Variants in VWA8 observed in about 807,000 individuals in gnomAD.
The protein encoded by VWA8 is von Willebrand factor A domain containing 8.
A neutral mutation model predicts 241.5 loss-of-function variants in VWA8; 221 were observed. That is an observed-to-expected ratio of 0.91 (90% CI 0.82 to 1.02). VWA8 has a LOEUF of 1.02. VWA8 is among the 50% of genes least tolerant of loss of function. The pLI is 0.00. For synonymous variants in VWA8, 852 were observed against 827.1 expected (o/e 1.03, Z -0.52); for missense variants, 2,322 against 2,328.7 (o/e 1.00, Z 0.06).
intron 9 of VWA8, among the ~76,000 whole-genome samples, chr13:41,880,261 C>A (rs1384408120): frequency 1.3e-5 from 2 of 152,148 alleles, no homozygotes; most frequent in Non-Finnish European, 2.9e-5. Context: ...CAATGGTTAA[C>A]ATTTTTTTAG....
chr13:41,573,691 C>T (rs977388448), intron 43 of VWA8, among the ~76,000 whole-genome samples: 10 of 150,656 alleles, frequency 6.6e-5, no homozygotes, highest in Non-Finnish European at 7.4e-5. Flanking sequence ...GATCTTGGTT[C>T]GCTGCAGCCT....
intron 13 of VWA8, among the ~76,000 whole-genome samples, chr13:41,831,518 T>A (rs1258508627): frequency 6.6e-6 from 1 of 152,130 alleles, no homozygotes; most frequent in Non-Finnish European, 1.5e-5. Context: ...GACTGTACGT[T>A]AGAATCTTCT....
At chr13:41,576,669 T>C (rs2044352406) in intron 42 of VWA8, among the ~76,000 whole-genome samples, 1 of 152,218 alleles carries the variant, frequency 6.6e-6, no homozygotes, top group Non-Finnish European at 1.5e-5. Flanking sequence ...TGGAGGCCCA[T>C]ATATTATGTC....
intron 12 of VWA8, among the ~76,000 whole-genome samples, chr13:41,860,561 T>G (rs1199811622): frequency 6.6e-6 from 1 of 152,216 alleles, no homozygotes; most frequent in East Asian, 1.9e-4. Flanking sequence ...CTTCCCACCC[T>G]TATTCATCCA....
chr13:41,726,536 G>T (rs776854334), intron 24 of VWA8, among the ~76,000 whole-genome samples: 28 of 152,274 alleles, frequency 1.8e-4, no homozygotes, highest in Non-Finnish European at 3.5e-4. Context: ...TTCATGGTTA[G>T]GGGGATGTGA....
intron 40 of VWA8, among the ~76,000 whole-genome samples, chr13:41,593,239 A>G (rs762965012): frequency 3.9e-5 from 6 of 152,206 alleles, no homozygotes; most frequent in Non-Finnish European, 7.3e-5. Context: ...ATTTTGGAAT[A>G]CCAATAGATT....
At chr13:41,590,513 T>TTAA in intron 41 of VWA8, 127 bp downstream of exon 41, 5 of 958,480 alleles carry the variant, frequency 5.2e-6, no homozygotes, top group Non-Finnish European at 7.2e-6. Context: ...TTTTTTTTTT[T>TTAA]AACATAATGC....
rs1566372324 is a variant in VWA8 at position 41,573,485 on chromosome 13, A to AT, written c.5370+2254_5370+2255insA. ...GGGTGGCTATAGTTTAAAAAAAAAA[A>AT]AATATATATATATATATATATACCT... On this transcript the variant is annotated intron_variant, in intron 43 of 44. Transcript: ENST00000379310. 7.4e-3 allele frequency among the ~76,000 whole-genome samples: 883 copies of AT among 119,800 alleles called. 7 individuals are homozygous for AT. The highest frequency in any genetic ancestry group is 0.036 in the South Asian group (142 of 3,946). 78.6% of individuals were successfully genotyped at this position (119,800 alleles called of 152,430 possible). A position where few individuals can be genotyped will look rare whatever the true frequency, so the allele number is the denominator to read the frequency against.
chr13:41,817,661 G>C (rs999003116), intron 15 of VWA8, among the ~76,000 whole-genome samples: 1 of 152,116 alleles, frequency 6.6e-6, no homozygotes, highest in South Asian at 2.1e-4. Flanking sequence ...AACTATGACT[G>C]AGTAATTTAC....
At position 41,922,072 on chromosome 13, in the gene VWA8, G is replaced by A. The variant is rs541778613; in HGVS notation, c.242-9904C>T. Among the ~76,000 whole-genome samples the A allele has an allele frequency of 7.9e-5, 12 of 152,266 alleles. No individual in the cohort carries two copies. The South Asian group carries it at 2.5e-3, about 32-fold the overall frequency. On this transcript the variant is annotated intron_variant, in intron 2 of 44. Coordinates refer to ENST00000379310, the MANE Select transcript of VWA8 (RefSeq NM_015058.2). Reference sequence around the variant, plus strand: ...ACAGGAACCAAAACAGCATGGTATGGTACCAAAACAGAGATATAGATCAAT... The same window carrying A: ...ACAGGAACCAAAACAGCATGGTATGATACCAAAACAGAGATATAGATCAAT...
At chr13:41,734,267 G>A (rs2045507949) in intron 21 of VWA8, among the ~76,000 whole-genome samples, 2 of 152,196 alleles carry the variant, frequency 1.3e-5, no homozygotes, top group African/African-American at 4.8e-5. Flanking sequence ...GAACCTGGGA[G>A]GCGGGGGTTG....
Position 41,590,732 on chromosome 13 carries a change from G to T in VWA8, c.5020C>A (p.Gln1674Lys), listed in dbSNP as rs777780749. The T allele has an allele frequency of 6.2e-7, 1 of 1,613,942 alleles. No homozygotes were observed. The highest frequency in any genetic ancestry group is 1.1e-5 in the South Asian group (1 of 91,084). Residue 1674 changes from glutamine (Q) to lysine (K), a missense_variant, in exon 41 of 45, where the codon CAA (glutamine) becomes AAA (lysine). Gln to Lys is a moderately conservative substitution (Grantham distance 53). Transcript: ENST00000379310. ...GCATCATCTAATTCTCCAGTAGCTTGATGTCTTAGCCATTGTCTTTCTTTA... is the reference window on the plus strand; with the variant it reads ...GCATCATCTAATTCTCCAGTAGCTTTATGTCTTAGCCATTGTCTTTCTTTA... ...KGKERQWLRH[Q>K]ATGELDDAKI...
chr13:41,880,256 G>GT (rs1159339226), intron 9 of VWA8, among the ~76,000 whole-genome samples: 1 of 152,006 alleles, frequency 6.6e-6, no homozygotes, highest in African/African-American at 2.4e-5. Flanking sequence ...TTCCTCAATG[G>GT]TTAACATTTT....
intron 30 of VWA8, among the ~76,000 whole-genome samples, chr13:41,692,195 T>A (rs1445817213): frequency 6.6e-6 from 1 of 151,988 alleles, no homozygotes; most frequent in East Asian, 1.9e-4. Flanking sequence ...TGTTAAGAAA[T>A]AACAGGCTAT....
At chr13:41,955,897 T>C (rs919001198) in intron 1 of VWA8, 1 of 152,200 alleles carries the variant, frequency 6.6e-6, no homozygotes, top group Admixed American at 6.5e-5. Context: ...AACACTGAGT[T>C]ATAGCCAAGT....
chr13:41,733,471 GTGTATAACGC>G (rs1157876727), intron 21 of VWA8, among the ~76,000 whole-genome samples: 1 of 152,196 alleles, frequency 6.6e-6, no homozygotes, highest in Non-Finnish European at 1.5e-5. Context: ...CACTTGGAAA[GTGTATAACGC>G]CGTATCTGGC....
At chr13:41,644,759 ATAG>A (rs1465296762) in intron 37 of VWA8, among the ~76,000 whole-genome samples, 1 of 152,258 alleles carries the variant, frequency 6.6e-6, no homozygotes, top group African/African-American at 2.4e-5. Flanking sequence ...AAATGTATAT[ATAG>A]CTTACACTGA....
chr13:41,925,821 C>T (rs1232990678), intron 2 of VWA8: 1 of 274,068 alleles, frequency 3.6e-6, no homozygotes, highest in East Asian at 1.0e-4. Context: ...CCCAAATCAA[C>T]ACTACAAGAT....
At chr13:41,803,771 T>C (rs1017109021) in intron 17 of VWA8, among the ~76,000 whole-genome samples, 2 of 152,164 alleles carry the variant, frequency 1.3e-5, no homozygotes, top group Non-Finnish European at 1.5e-5. Flanking sequence ...TTGAGGAAGC[T>C]CAATGAAATT....
Sources: gnomAD v4.1 joint callset for allele counts (sites outside exome capture counted in the v4.1 genomes callset) on GRCh38, gnomAD v4.1.1 for gene constraint, MANE v1.5 for transcripts, NCBI Gene and HGNC (gene_info 2026-07-23, HGNC 2026-07-21) for gene names.